ATP9B: variants seen among roughly 807,000 people sequenced by gnomAD.
ATP9B encodes the protein probable phospholipid-transporting ATPase IIB.
In ATP9B, 110 loss-of-function variants were observed where a neutral mutation model predicts 146.1. That is an observed-to-expected ratio of 0.75 (90% CI 0.65 to 0.88). The LOEUF (loss-of-function observed/expected upper bound fraction) is 0.88. ATP9B is among the 40% of genes least tolerant of loss of function. The pLI is 0.00. For missense variants in ATP9B, 1,499 were observed against 1,496.4 expected, an observed-to-expected ratio of 1.00 and a Z score of -0.03; for synonymous variants, 604 against 569.7, an observed-to-expected ratio of 1.06 and a Z score of -0.86.
chr18:79,187,852 A>G (rs1018898837), intron 8 of ATP9B, among the ~76,000 whole-genome samples: 3 of 152,236 alleles, frequency 2.0e-5, no homozygotes, highest in African/African-American at 7.2e-5. Context: ...TGAATGAAAT[A>G]TCAACAGAAA....
intron 4 of ATP9B, among the ~76,000 whole-genome samples, chr18:79,122,534 A>G (rs1477994971): frequency 6.6e-6 from 1 of 152,200 alleles, no homozygotes; most frequent in Non-Finnish European, 1.5e-5. Context: ...TGACTGTGCT[A>G]TGAATTTCTT....
intron 8 of ATP9B, among the ~76,000 whole-genome samples, chr18:79,183,097 A>G (rs1266032101): frequency 6.6e-6 from 1 of 152,176 alleles, no homozygotes; most frequent in East Asian, 1.9e-4. Context: ...AATGCTGTAT[A>G]TTACTGTTTT....
chr18:79,073,252 C>G (rs1470012383), intron 1 of ATP9B, among the ~76,000 whole-genome samples: 1 of 152,198 alleles, frequency 6.6e-6, no homozygotes, highest in Non-Finnish European at 1.5e-5. Flanking sequence ...GCTGCAATCT[C>G]AGCACTTTGG....
chr18:79,335,041 C>T (rs1025105691), intron 17 of ATP9B, among the ~76,000 whole-genome samples: 3 of 152,186 alleles, frequency 2.0e-5, no homozygotes, highest in Non-Finnish European at 4.4e-5. Context: ...CTTCACGTCA[C>T]CACAACCACG....
At chr18:79,151,501 T>C (rs182260832) in intron 6 of ATP9B, among the ~76,000 whole-genome samples, 1 of 152,318 alleles carries the variant, frequency 6.6e-6, no homozygotes, top group African/African-American at 2.4e-5. Flanking sequence ...TTGTGTCATA[T>C]TTGACTATAT....
chr18:79,159,208 C>T (rs1050722295), intron 7 of ATP9B, among the ~76,000 whole-genome samples: 2 of 152,056 alleles, frequency 1.3e-5, no homozygotes, highest in Non-Finnish European at 2.9e-5. Flanking sequence ...TGTCAATCTG[C>T]TTGTTTAAAA....
intron 7 of ATP9B, among the ~76,000 whole-genome samples, chr18:79,172,907 G>A (rs2147895894): frequency 6.6e-6 from 1 of 152,304 alleles, no homozygotes; most frequent in Admixed American, 6.5e-5. Context: ...CAGGAGTGAG[G>A]TTGCTGATTT....
intron 17 of ATP9B, among the ~76,000 whole-genome samples, chr18:79,334,243 G>C (rs2096807754): frequency 6.6e-6 from 1 of 152,076 alleles, no homozygotes; most frequent in East Asian, 1.9e-4. Flanking sequence ...TGTAGTCCTA[G>C]CTGCTGGGGA....
At chr18:79,299,166 C>T (rs1387011203) in intron 13 of ATP9B, among the ~76,000 whole-genome samples, 2 of 151,668 alleles carry the variant, frequency 1.3e-5, no homozygotes, top group Non-Finnish European at 2.9e-5. Context: ...CCTCAGTTAA[C>T]TCTGTTACCT....
In ATP9B at chr18:79,149,724, A is replaced by T. The variant is rs547030664; in HGVS notation, c.727-4780A>T. On this transcript the variant is annotated intron_variant, in intron 6 of 29. Coordinates refer to ENST00000426216, the MANE Select transcript of ATP9B (RefSeq NM_198531.5). The stretch of plus-strand genomic sequence containing the variant: ...AAAACTTAACAGTAAAAAAAAAAAA[A>T]ATTTGAAATTAGAAAATGAGCAAAA... Among the ~76,000 whole-genome samples the T allele has an allele frequency of 4.7e-5, 7 of 148,026 alleles. No individual in the cohort carries two copies. In the East Asian group the frequency reaches 5.8e-4, roughly 12 times the overall value.
intron 13 of ATP9B, among the ~76,000 whole-genome samples, chr18:79,290,568 G>A (rs371252252): frequency 0.011 from 1,661 of 152,322 alleles, 15 homozygotes; most frequent in African/African-American, 0.024. Context: ...TGCTCTTCCC[G>A]AGTGAGGCAA....
chr18:79,211,110 A>C (rs2095580242), intron 10 of ATP9B, among the ~76,000 whole-genome samples: 1 of 152,156 alleles, frequency 6.6e-6, no homozygotes. Flanking sequence ...CAATAGGCCT[A>C]TCATTTGAAA....
chr18:79,312,832 A>T, intron 15 of ATP9B, among the ~76,000 whole-genome samples: 1 of 152,360 alleles, frequency 6.6e-6, no homozygotes, highest in South Asian at 2.1e-4. Flanking sequence ...ACGATAAAGA[A>T]CTTAAGTTCC....
chr18:79,298,845 T>G lies in ATP9B; in HGVS notation c.1412-4759T>G. ...GGCAGAGTGGCTGTCCCATAGCCAC[T>G]TCAGACTCACCATCTGTGTGTTCTC... On this transcript the variant is annotated intron_variant, in intron 13 of 29. Transcript: ENST00000426216. 1.4e-5 allele frequency among the ~76,000 whole-genome samples: 2 copies of G among 145,976 alleles called. 1 individual carries two copies. Among genetic ancestry groups the G allele is most frequent in the Non-Finnish European group, 3.0e-5 (2 of 65,920 alleles).
intron 13 of ATP9B, among the ~76,000 whole-genome samples, chr18:79,294,623 G>A (rs1217048197): frequency 6.6e-6 from 1 of 152,210 alleles, no homozygotes; most frequent in Non-Finnish European, 1.5e-5. Flanking sequence ...CCATACTTCA[G>A]ACAAGCAGTG....
chr18:79,189,855 C>T (rs2095346118), intron 8 of ATP9B, among the ~76,000 whole-genome samples: 1 of 152,176 alleles, frequency 6.6e-6, no homozygotes, highest in Non-Finnish European at 1.5e-5. Flanking sequence ...AGAAGCACTT[C>T]TTATTGGTCC....
chr18:79,272,347 G>A (rs887604096), intron 12 of ATP9B, among the ~76,000 whole-genome samples: 3 of 152,192 alleles, frequency 2.0e-5, no homozygotes, highest in Admixed American at 6.5e-5. Flanking sequence ...CTGTGTGTCT[G>A]TGCATGCCTG....
intron 29 of ATP9B, chr18:79,375,945 T>G: frequency 2.0e-6 from 2 of 985,394 alleles, no homozygotes; most frequent in South Asian, 9.4e-5. Context: ...CATCTGCCTC[T>G]TTTCATGCGG....
At chr18:79,256,286 T>TATATATACACAC (rs398033647) in intron 12 of ATP9B, among the ~76,000 whole-genome samples, 3 of 123,068 alleles carry the variant, frequency 2.4e-5, no homozygotes, top group African/African-American at 9.7e-5. Flanking sequence ...TATATATATA[T>TATATATACACAC]ACATACATAG....
Sources: allele counts gnomAD v4.1 joint callset (sites outside exome capture counted in the v4.1 genomes callset), GRCh38; gene constraint gnomAD v4.1.1; transcripts MANE v1.5; gene names NCBI Gene and HGNC (gene_info 2026-07-23, HGNC 2026-07-21).